Variants in P2RX1 observed in about 807,000 individuals in gnomAD.
The protein encoded by P2RX1 is purinergic receptor P2X 1, also known as P2X purinoceptor 1.
A neutral mutation model predicts 50.3 loss-of-function variants in P2RX1; 42 were observed. The ratio of observed to expected loss-of-function variants is 0.83; its 90% CI spans 0.65 to 1.08. The LOEUF is 1.08. Ranked by LOEUF, P2RX1 falls within the 50% of genes least tolerant of loss-of-function variation. P2RX1 has a pLI of 0.00. For synonymous variants in P2RX1, 199 were observed against 202.6 expected (o/e 0.98, Z 0.15); for missense variants, 449 against 529.0 (o/e 0.85, Z 1.48).
chr17:3,904,495 G>A (rs2056221249), intron 3 of P2RX1, 96 bp from the exon 4 acceptor site: 5 of 1,083,904 alleles, frequency 4.6e-6, no homozygotes, highest in Non-Finnish European at 6.9e-6. Flanking sequence ...GAGAGCGTGG[G>A]GCAGAGTCTC....
At chr17:3,904,083 C>A in intron 4 of P2RX1, 59 bp from the exon 5 acceptor site, 1 of 1,394,188 alleles carries the variant, frequency 7.2e-7, no homozygotes, top group South Asian at 1.2e-5. Flanking sequence ...CGCCCCAGAC[C>A]CCTTCTCCAG....
In P2RX1 at chr17:3,903,895, T is replaced by C; in HGVS notation, c.524+33A>G. The C allele has an allele frequency of 6.4e-7, 1 of 1,558,322 alleles. No individual in the cohort carries two copies. The highest frequency in any genetic ancestry group is 8.9e-7 in the Non-Finnish European group (1 of 1,129,020). ...CCCCCCTCTGTCTGGCCTGGGACCCTGTTCTTAGCTCTCTGGAAGGTCAGA... is the reference window on the plus strand; with the variant it reads ...CCCCCCTCTGTCTGGCCTGGGACCCCGTTCTTAGCTCTCTGGAAGGTCAGA... On this transcript the variant is annotated intron_variant, in intron 5 of 11. Coordinates refer to ENST00000225538, the MANE Select transcript of P2RX1 (RefSeq NM_002558.4). This position sits in a 1 kb window ranked among gnomAD's most constrained non-coding sequence, Gnocchi z 4.6.
intron 1 of P2RX1, among the ~76,000 whole-genome samples, chr17:3,906,163 G>T (rs147741936): frequency 1.3e-5 from 2 of 151,880 alleles, no homozygotes; most frequent in Non-Finnish European, 2.9e-5. Context: ...ACGGAGTCTC[G>T]CTTTGTCACC....
In P2RX1 at chr17:3,914,732, G is replaced by A. The variant is rs1567660002; in HGVS notation, c.137+1357C>T. On this transcript the variant is annotated intron_variant, in intron 1 of 11. Transcript: ENST00000225538. This position sits in a 1 kb window ranked among gnomAD's most constrained non-coding sequence, Gnocchi z 4.1. ...GTGAGGAAGGAGAAGGCACAGCAGA[G>A]GCCTGGGGGTCAGGAGGGCTCAGCT... Among the ~76,000 whole-genome samples, 1 of 152,202 alleles carries A rather than the reference G, an allele frequency of 6.6e-6. No homozygotes were observed. The highest frequency in any genetic ancestry group is 6.5e-5 in the Admixed American group (1 of 15,276).
Position 3,916,395 on chromosome 17 carries a change from G to C in P2RX1, c.-170C>G, listed in dbSNP as rs1392299891. ...GAGGACAGGAGCCAGAGGTCAGCTG[G>C]AGGCACTTGGGTTGGAGAGAGAATC... is the stretch of plus-strand genomic sequence containing the variant. On this transcript the variant is annotated 5_prime_UTR_variant, in exon 1 of 12. Transcript: ENST00000225538. The C allele has an allele frequency of 1.5e-6, 1 of 680,310 alleles. No individual in the cohort carries two copies. Among genetic ancestry groups the C allele is most frequent in the East Asian group, 2.7e-5 (1 of 36,906 alleles). 42.1% of individuals were successfully genotyped at this position (680,310 alleles called of 1,614,324 possible).
At chr17:3,916,055 G>T in intron 1 of P2RX1, 34 bp downstream of exon 1, 1 of 1,612,302 alleles carries the variant, frequency 6.2e-7, no homozygotes. Flanking sequence ...CGGGGTAGGG[G>T]CTGGTGCAGG....
chr17:3,897,114 C>T lies in P2RX1; in HGVS notation c.*700G>A, dbSNP rs1219674949. 6.5e-6 allele frequency: 1 copy of T among 153,420 alleles called. No homozygotes were observed. The highest frequency in any genetic ancestry group is 2.4e-5 in the African/African-American group (1 of 41,438). The allele number at this position is 153,420 out of a possible 1,614,324, so 9.5% of individuals were successfully genotyped here. On this transcript the variant is annotated 3_prime_UTR_variant, in exon 12 of 12. Transcript: ENST00000225538. The stretch of plus-strand genomic sequence containing the variant: ...AAGTTCGAGGACGGCACTTCTTAAA[C>T]TTAGGTCCCAGAATGGCCTGGGGAG...
Position 3,897,786 on chromosome 17 carries a change from C to T in P2RX1, c.*28G>A, listed in dbSNP as rs711174. On this transcript the variant is annotated 3_prime_UTR_variant, in exon 12 of 12. Transcript: ENST00000225538. The stretch of plus-strand genomic sequence containing the variant: ...GGCTCCAGGCTGAAGCCTCACGCTG[C>T]ACCCAGTCAGGAGTTGGGGCCCGAG... 532,796 of 1,605,494 alleles carry T rather than the reference C, an allele frequency of 0.33. 94,566 individuals are homozygous for T. The highest frequency in any genetic ancestry group is 0.37 in the Non-Finnish European group (438,670 of 1,174,868).
chr17:3,916,306 G>A lies in P2RX1; in HGVS notation c.-81C>T, dbSNP rs2052409973. 7 of 1,504,056 alleles carry A rather than the reference G, an allele frequency of 4.7e-6. No homozygotes were observed. The highest frequency in any genetic ancestry group is 2.3e-5 in the East Asian group (1 of 44,082). 93.2% of individuals were successfully genotyped at this position (1,504,056 alleles called of 1,614,324 possible). A position where few individuals can be genotyped will look rare whatever the true frequency, so the allele number is the denominator to read the frequency against. ...TGAGCCGGGTGCCACCACCCACGTC[G>A]ATGGTAGAGCTTCTGGGGGCTTCCT... On this transcript the variant is annotated 5_prime_UTR_variant, in exon 1 of 12. Coordinates refer to ENST00000225538, the MANE Select transcript of P2RX1 (RefSeq NM_002558.4).
rs1320894491 is a variant in P2RX1 at position 3,905,283 on chromosome 17, C to G, written c.222G>C (p.Val74=). Reference sequence around the variant, plus strand: ...GGGGGCCGAGGCCAGGGAGCTGGGTCACGGCCAGGCCCTTGAGTTTCACAG... The same window carrying G: ...GGGGGCCGAGGCCAGGGAGCTGGGTGACGGCCAGGCCCTTGAGTTTCACAG... The part of the protein sequence containing the change: ...SVSVKLKGLA[V]TQLPGLGPQV... Residue 74 remains valine, a synonymous_variant, in exon 2 of 12, where the codon GTG becomes GTC. Transcript: ENST00000225538. 6.2e-7 allele frequency: 1 copy of G among 1,613,834 alleles called. No individual in the cohort carries two copies. The highest frequency in any genetic ancestry group is 8.5e-7 in the Non-Finnish European group (1 of 1,180,040).
At chr17:3,908,063 T>C (rs1357331127) in intron 1 of P2RX1, among the ~76,000 whole-genome samples, 1 of 152,126 alleles carries the variant, frequency 6.6e-6, no homozygotes, top group Non-Finnish European at 1.5e-5. Context: ...GTCCCCATGC[T>C]TGAGGCACCC....
chr17:3,901,875 C>T (rs529718153), intron 7 of P2RX1, among the ~76,000 whole-genome samples: 298 of 152,056 alleles, frequency 2.0e-3, no homozygotes, highest in African/African-American at 6.9e-3. Flanking sequence ...ACTTGACCCT[C>T]GGGGCGACCC....
Position 3,903,765 on chromosome 17 carries a change from T to TG in P2RX1, c.525-135dup, listed in dbSNP as rs370534221. 5.4e-5 allele frequency: 61 copies of TG among 1,125,834 alleles called. No homozygotes were observed. In the African/African-American group the frequency reaches 8.3e-4, roughly 15 times the overall value. The allele number at this position is 1,125,834 out of a possible 1,614,324, so 69.7% of individuals were successfully genotyped here. A position where few individuals can be genotyped will look rare whatever the true frequency, so the allele number is the denominator to read the frequency against. On this transcript the variant is annotated intron_variant, in intron 5 of 11. Transcript: ENST00000225538. The surrounding 1 kb of genome is among the most constrained non-coding windows in gnomAD (Gnocchi z 4.6). ...AGCCCTGGGCTGGTGGAGGGGTGGG[T>TG]GTGCTCTAGCGTGGCCAGGACCCAG...
At position 3,903,381 on chromosome 17, in the gene P2RX1, A is replaced by T; in HGVS notation, c.606-38T>A. The T allele has an allele frequency of 6.2e-7, 1 of 1,613,250 alleles. No homozygotes were observed. Among genetic ancestry groups the T allele is most frequent in the African/African-American group, 1.3e-5 (1 of 75,020 alleles). ...AAGGTGTTGACAGCTGCTGTGTGTCATCCGGGAGGGTGCCCACCACGCCCC... is the reference window on the plus strand; with the variant it reads ...AAGGTGTTGACAGCTGCTGTGTGTCTTCCGGGAGGGTGCCCACCACGCCCC... On this transcript the variant is annotated intron_variant, in intron 6 of 11. Coordinates refer to ENST00000225538, the MANE Select transcript of P2RX1 (RefSeq NM_002558.4). This position sits in a 1 kb window ranked among gnomAD's most constrained non-coding sequence, Gnocchi z 4.6.
At chr17:3,907,261 GAA>G (rs1223860109) in intron 1 of P2RX1, among the ~76,000 whole-genome samples, 1 of 149,888 alleles carries the variant, frequency 6.7e-6, no homozygotes, top group Middle Eastern at 3.2e-3. Context: ...CTTCCTCGAG[GAA>G]AGACTCTTTT....
At chr17:3,908,924 C>A (rs2056314833) in intron 1 of P2RX1, among the ~76,000 whole-genome samples, 1 of 152,238 alleles carries the variant, frequency 6.6e-6, no homozygotes, top group Admixed American at 6.5e-5. Flanking sequence ...CGCCACCTAC[C>A]TCAAAGGCGC....
At chr17:3,899,827 G>T (rs1021224111) in intron 7 of P2RX1, 66 bp from the exon 8 acceptor site, 5 of 1,587,062 alleles carry the variant, frequency 3.2e-6, no homozygotes, top group Admixed American at 1.7e-5. Context: ...TCAGCCGGGC[G>T]CAGTGGCTCA....
At chr17:3,905,517 C>T in intron 1 of P2RX1, 150 bp from the exon 2 acceptor site, 2 of 822,374 alleles carry the variant, frequency 2.4e-6, no homozygotes, top group Admixed American at 2.6e-5. Context: ...GCCTCCCCTG[C>T]CTCCCGCTGC....
chr17:3,904,945 AGGGGGAGGGTGGGGTGGGCT>A lies in P2RX1; in HGVS notation c.286-36_286-17del. 1 of 148,802 alleles carries A rather than the reference AGGGGGAGGGTGGGGTGGGCT, an allele frequency of 6.7e-6. No homozygotes were observed. Among genetic ancestry groups the A allele is most frequent in the Non-Finnish European group, 1.4e-5 (1 of 73,258 alleles). The allele number at this position is 148,802 out of a possible 1,614,324, so 9.2% of individuals were successfully genotyped here. A position where few individuals can be genotyped will look rare whatever the true frequency, so the allele number is the denominator to read the frequency against. On this transcript the variant is annotated splice_polypyrimidine_tract_variant and intron_variant, in intron 2 of 11. Transcript: ENST00000225538. ...AGTTGTCCCCCTAGAAGTGAGGGGC[AGGGGGAGGGTGGGGTGGGCT>A]GGGAGCTGGGAGAAGAGCCCCAAGG... is the stretch of plus-strand genomic sequence containing the variant.
Sources: allele counts gnomAD v4.1 joint callset (sites outside exome capture counted in the v4.1 genomes callset), GRCh38; gene constraint gnomAD v4.1.1; non-coding constraint Gnocchi (gnomAD v3.1); transcripts MANE v1.5; gene names NCBI Gene and HGNC (gene_info 2026-07-23, HGNC 2026-07-21).